ZNF516: variants seen among roughly 807,000 people sequenced by gnomAD.
The protein encoded by ZNF516 is zinc finger protein 516.
Under a neutral mutation model 79.7 loss-of-function variants are expected in ZNF516, and 19 were observed. The observed-to-expected ratio is 0.24, with a 90% CI of 0.17 to 0.35. The LOEUF (loss-of-function observed/expected upper bound fraction) is 0.35, where lower values mean the gene tolerates loss of function less well. Ranked by LOEUF, ZNF516 falls within the 10% of genes least tolerant of loss-of-function variation. ZNF516 has a pLI of 1.00. For missense variants in ZNF516, 1,678 were observed against 1,679.5 expected (o/e 1.00, Z 0.02); for synonymous variants, 877 against 739.5 (o/e 1.19, Z -3.02).
At chr18:76,372,238 G>A (rs952648242) in intron 4 of ZNF516, among the ~76,000 whole-genome samples, 5 of 152,366 alleles carry the variant, frequency 3.3e-5, no homozygotes, top group East Asian at 1.9e-4. Flanking sequence ...CTCAAAGGCC[G>A]GGCTTTGTGT....
chr18:76,457,440 G>A (rs899902345), intron 2 of ZNF516, among the ~76,000 whole-genome samples: 1 of 152,228 alleles, frequency 6.6e-6, no homozygotes, highest in Non-Finnish European at 1.5e-5. Flanking sequence ...AGAGGGATGT[G>A]GGCGGCGTCT....
chr18:76,390,445 A>C (rs1278900783), intron 3 of ZNF516, among the ~76,000 whole-genome samples: 2 of 152,210 alleles, frequency 1.3e-5, no homozygotes, highest in Non-Finnish European at 2.9e-5. Context: ...GGGGTGGAGC[A>C]GGTCACCCAG....
intron 1 of ZNF516, among the ~76,000 whole-genome samples, chr18:76,486,625 G>A (rs749776211): frequency 1.1e-4 from 16 of 151,426 alleles, no homozygotes; most frequent in Non-Finnish European, 2.4e-4. Context: ...TATCCTGGAG[G>A]CTGAGCCAGC....
rs536904087 is a variant in ZNF516 at position 76,459,972 on chromosome 18, A to G, written c.-158+3056T>C. 1.6e-4 allele frequency among the ~76,000 whole-genome samples: 24 copies of G among 152,350 alleles called. No homozygotes were observed. The highest frequency in any genetic ancestry group is 3.9e-4 in the Admixed American group (6 of 15,308). ...AATAATGAATCATGTCCACTGCACT[A>G]GAATGCAGTCTTTTAACCACTATCA... On this transcript the variant is annotated intron_variant, in intron 2 of 6. Coordinates refer to ENST00000443185, the MANE Select transcript of ZNF516 (RefSeq NM_014643.4). The surrounding 1 kb of genome is among the most constrained non-coding windows in gnomAD (Gnocchi z 5.0).
chr18:76,493,099 T>C lies in ZNF516; in HGVS notation c.-272+2045A>G. The C allele has an allele frequency of 1.0e-6, 1 of 970,954 alleles. No individual in the cohort carries two copies. The highest frequency in any genetic ancestry group is 1.2e-6 in the Non-Finnish European group (1 of 817,166). 60.1% of individuals were successfully genotyped at this position (970,954 alleles called of 1,614,324 possible). On this transcript the variant is annotated intron_variant, in intron 1 of 6. Transcript: ENST00000443185. This position sits in a 1 kb window ranked among gnomAD's most constrained non-coding sequence, Gnocchi z 5.2. ...GGAGACTTCGCAAAGCTGTTTCCTT[T>C]TTTTTTTTTCCTCCTCTCCTCCCTA...
In ZNF516 at chr18:76,443,159, C is replaced by T. The variant is rs1911831122; in HGVS notation, c.-105G>A. 6 of 1,443,106 alleles carry T rather than the reference C, an allele frequency of 4.2e-6. No homozygotes were observed. Among genetic ancestry groups the T allele is most frequent in the Non-Finnish European group, 5.4e-6 (6 of 1,102,470 alleles). The allele number at this position is 1,443,106 out of a possible 1,614,324, so 89.4% of individuals were successfully genotyped here. On this transcript the variant is annotated 5_prime_UTR_variant, in exon 3 of 7. Coordinates refer to ENST00000443185, the MANE Select transcript of ZNF516 (RefSeq NM_014643.4). Reference sequence around the variant, plus strand: ...TCAGAAGAGCCAAAAGACGTGCCTGCTCCCAGGAGGTGCACCTTCTACATG... The same window carrying T: ...TCAGAAGAGCCAAAAGACGTGCCTGTTCCCAGGAGGTGCACCTTCTACATG...
At chr18:76,413,801 G>A (rs566206698) in intron 3 of ZNF516, among the ~76,000 whole-genome samples, 1 of 152,300 alleles carries the variant, frequency 6.6e-6, no homozygotes, top group African/African-American at 2.4e-5. Context: ...TAATATTGGT[G>A]AACAAGAAAA....
chr18:76,465,998 A>T (rs1913441276), intron 1 of ZNF516, among the ~76,000 whole-genome samples: 1 of 151,968 alleles, frequency 6.6e-6, no homozygotes, highest in South Asian at 2.1e-4. Flanking sequence ...CCCAGTTCAA[A>T]CTTCTGCTGG....
rs2074872018 is a variant in ZNF516, at chr18:76,380,382, A to G, written c.1811-79T>C. ...CAAGACACACGGTGCGTACAGCTAC[A>G]GCATGTTCCAAGCCATCTGTCTTCA... On this transcript the variant is annotated intron_variant, in intron 3 of 6. Coordinates refer to ENST00000443185, the MANE Select transcript of ZNF516 (RefSeq NM_014643.4). 20 of 1,527,506 alleles carry G rather than the reference A, an allele frequency of 1.3e-5. No homozygotes were observed. In the South Asian group the frequency reaches 2.5e-4, roughly 19 times the overall value. 94.6% of individuals were successfully genotyped at this position (1,527,506 alleles called of 1,614,324 possible). A position where few individuals can be genotyped will look rare whatever the true frequency, so the allele number is the denominator to read the frequency against.
chr18:76,375,478 G>A (rs1023368023), intron 4 of ZNF516, among the ~76,000 whole-genome samples: 1 of 152,046 alleles, frequency 6.6e-6, no homozygotes, highest in Non-Finnish European at 1.5e-5. Context: ...ACCAGGTAGA[G>A]GATGGACAGG....
chr18:76,422,625 GAC>G (rs1161900588), intron 3 of ZNF516, among the ~76,000 whole-genome samples: 2 of 152,064 alleles, frequency 1.3e-5, no homozygotes, highest in African/African-American at 4.8e-5. Flanking sequence ...TTATGAAGCA[GAC>G]ATACCCTAGC....
intron 2 of ZNF516, among the ~76,000 whole-genome samples, chr18:76,455,376 C>T (rs1404938983): frequency 6.6e-6 from 1 of 152,240 alleles, no homozygotes. Context: ...GCAACACACA[C>T]AACCCTAGAC....
chr18:76,481,570 C>CT (rs1409528219), intron 1 of ZNF516, among the ~76,000 whole-genome samples: 1 of 152,216 alleles, frequency 6.6e-6, no homozygotes, highest in Non-Finnish European at 1.5e-5. Flanking sequence ...GGCTGTGGGA[C>CT]TTTGATGAAG....
Position 76,358,024 on chromosome 18 carries a change from G to A in ZNF516, c.*4474C>T, listed in dbSNP as rs948554850. On this transcript the variant is annotated 3_prime_UTR_variant, in exon 7 of 7. Coordinates refer to ENST00000443185, the MANE Select transcript of ZNF516 (RefSeq NM_014643.4). ...AACCACTCGGGCCATCTGGGCATCT[G>A]TTCAGATGAACGATCTTGTGAATTA... is the stretch of plus-strand genomic sequence containing the variant. Among the ~76,000 whole-genome samples, 7 of 152,242 alleles carry A rather than the reference G, an allele frequency of 4.6e-5. No homozygotes were observed. Among genetic ancestry groups the A allele is most frequent in the Non-Finnish European group, 7.3e-5 (5 of 68,046 alleles).
intron 1 of ZNF516, chr18:76,492,948 G>C (rs1915322320): frequency 1.1e-5 from 11 of 985,644 alleles, no homozygotes; most frequent in Non-Finnish European, 1.3e-5. Context: ...AGACTTCACA[G>C]TGTGCAGACA....
chr18:76,400,533 C>T (rs575930575), intron 3 of ZNF516, among the ~76,000 whole-genome samples: 26 of 152,296 alleles, frequency 1.7e-4, no homozygotes, highest in African/African-American at 6.0e-4. Flanking sequence ...GATGAATTCA[C>T]AACCTGGCTG....
At chr18:76,407,992 C>T (rs548191494) in intron 3 of ZNF516, among the ~76,000 whole-genome samples, 1 of 152,368 alleles carries the variant, frequency 6.6e-6, no homozygotes, top group African/African-American at 2.4e-5. Flanking sequence ...CCTCTTGGTG[C>T]AGCCCGCGCT....
intron 1 of ZNF516, chr18:76,490,945 G>C: frequency 1.0e-6 from 1 of 985,394 alleles, no homozygotes; most frequent in Non-Finnish European, 1.2e-6. Context: ...GACACTGTGA[G>C]GTCACACACG....
chr18:76,439,713 G>A (rs2075789227), intron 3 of ZNF516, among the ~76,000 whole-genome samples: 2 of 151,918 alleles, frequency 1.3e-5, no homozygotes. Flanking sequence ...GGTGAGTGAG[G>A]CCCAAGAGCT....
Sources: allele counts gnomAD v4.1 joint callset (sites outside exome capture counted in the v4.1 genomes callset), GRCh38; gene constraint gnomAD v4.1.1; non-coding constraint Gnocchi (gnomAD v3.1); transcripts MANE v1.5; gene names NCBI Gene and HGNC (gene_info 2026-07-23, HGNC 2026-07-21).